Variants in CNTN4 observed in about 807,000 individuals in gnomAD.
The protein encoded by CNTN4 is contactin-4.
Under a neutral mutation model 122.5 loss-of-function variants are expected in CNTN4, and 77 were observed. The observed-to-expected ratio is 0.63, with a 90% CI of 0.52 to 0.76. The LOEUF (loss-of-function observed/expected upper bound fraction) is 0.76. Ranked by LOEUF, CNTN4 falls within the 30% of genes least tolerant of loss-of-function variation. CNTN4 has a pLI of 0.00. For missense variants in CNTN4, 1,256 were observed against 1,259.1 expected (o/e 1.00, Z 0.04); for synonymous variants, 512 against 447.0 (o/e 1.15, Z -1.83).
intron 13 of CNTN4, among the ~76,000 whole-genome samples, chr3:2,973,537 A>T (rs1693131618): frequency 6.6e-6 from 1 of 152,066 alleles, no homozygotes; most frequent in Non-Finnish European, 1.5e-5. Flanking sequence ...AAAACTAAGT[A>T]ATCTCTGACC....
rs541215702 is a variant in CNTN4 at position 2,439,591 on chromosome 3, A to G, written c.-89+100358A>G. On this transcript the variant is annotated intron_variant, in intron 3 of 24. Coordinates refer to ENST00000418658, the MANE Select transcript of CNTN4 (RefSeq NM_175607.3). ...CTTAGCTTGAATTGTGGTCATCTGA[A>G]GTATCTGTGTTCCTCTCTCTTTCTG... Among the ~76,000 whole-genome samples the G allele has an allele frequency of 1.1e-4, 16 of 152,092 alleles. No individual in the cohort carries two copies. In the South Asian group the frequency reaches 2.3e-3, roughly 22 times the overall value.
At chr3:2,767,140 G>A (rs575541511) in intron 6 of CNTN4, among the ~76,000 whole-genome samples, 1 of 152,268 alleles carries the variant, frequency 6.6e-6, no homozygotes, top group African/African-American at 2.4e-5. Context: ...CCATGTAAAA[G>A]CGAGGGTGAC....
chr3:2,578,847 A>G (rs1245898175), intron 4 of CNTN4, among the ~76,000 whole-genome samples: 3 of 152,196 alleles, frequency 2.0e-5, no homozygotes, highest in African/African-American at 7.2e-5. Flanking sequence ...TAATAACTAG[A>G]TTAAAAAGCA....
intron 3 of CNTN4, among the ~76,000 whole-genome samples, chr3:2,513,993 A>G (rs577701530): frequency 6.6e-6 from 1 of 152,324 alleles, no homozygotes; most frequent in East Asian, 1.9e-4. Context: ...GCATGCATAC[A>G]AATCTACCCA....
At chr3:2,915,450 A>G (rs940535405) in intron 12 of CNTN4, among the ~76,000 whole-genome samples, 1 of 152,192 alleles carries the variant, frequency 6.6e-6, no homozygotes, top group Non-Finnish European at 1.5e-5. Context: ...TATATGAAAA[A>G]TTTTACTTCT....
chr3:2,372,772 C>T (rs1293524966), intron 3 of CNTN4, among the ~76,000 whole-genome samples: 1 of 152,058 alleles, frequency 6.6e-6, no homozygotes, highest in East Asian at 1.9e-4. Context: ...TGACTTAGGC[C>T]AGGTGTGGTG....
intron 2 of CNTN4, among the ~76,000 whole-genome samples, chr3:2,212,078 A>G (rs553507543): frequency 5.3e-5 from 8 of 152,126 alleles, no homozygotes; most frequent in African/African-American, 1.4e-4. Context: ...GGCTCAAGCA[A>G]TCCTTCTACC....
chr3:2,104,810 G>T (rs2032297829), intron 2 of CNTN4, among the ~76,000 whole-genome samples: 1 of 152,198 alleles, frequency 6.6e-6, no homozygotes, highest in African/African-American at 2.4e-5. Flanking sequence ...ATGAAAGCAT[G>T]TGAGAAAATC....
At chr3:2,112,882 G>A (rs970229761) in intron 2 of CNTN4, among the ~76,000 whole-genome samples, 2 of 152,072 alleles carry the variant, frequency 1.3e-5, no homozygotes, top group African/African-American at 4.8e-5. Flanking sequence ...CCTTGTTATG[G>A]AAATTGGCCT....
intron 3 of CNTN4, among the ~76,000 whole-genome samples, chr3:2,515,752 G>A (rs2149104745): frequency 6.6e-6 from 1 of 152,184 alleles, no homozygotes; most frequent in Middle Eastern, 3.4e-3. Context: ...CTTCATTTGA[G>A]AATCTTTACT....
intron 2 of CNTN4, among the ~76,000 whole-genome samples, chr3:2,186,154 CCCA>C (rs1198246796): frequency 8.5e-5 from 12 of 141,494 alleles, no homozygotes; most frequent in African/African-American, 2.9e-4. Context: ...TTGTTCAATT[CCCA>C]CCTATGAGTG....
At chr3:2,426,599 A>C (rs1020579322) in intron 3 of CNTN4, among the ~76,000 whole-genome samples, 1 of 152,168 alleles carries the variant, frequency 6.6e-6, no homozygotes, top group African/African-American at 2.4e-5. Flanking sequence ...TGAGTTAGGG[A>C]GGATTCCTTC....
At chr3:2,731,008 T>C (rs1403410998) in intron 4 of CNTN4, among the ~76,000 whole-genome samples, 1 of 151,794 alleles carries the variant, frequency 6.6e-6, no homozygotes, top group Admixed American at 6.6e-5. Context: ...ACTCTTTTTC[T>C]TAGAGGGTTT....
chr3:2,752,269 C>T (rs1455037208), intron 6 of CNTN4, among the ~76,000 whole-genome samples: 5 of 152,318 alleles, frequency 3.3e-5, no homozygotes, highest in East Asian at 1.9e-4. Flanking sequence ...AATTAGCATA[C>T]GCATCACCTC....
intron 24 of CNTN4, 113 bp from the exon 25 acceptor site, chr3:3,056,007 C>T (rs1179787745): frequency 2.8e-6 from 2 of 712,740 alleles, no homozygotes; most frequent in African/African-American, 1.8e-5. Context: ...AGACCTTGAT[C>T]ATCATTTCCA....
intron 2 of CNTN4, among the ~76,000 whole-genome samples, chr3:2,213,170 G>A (rs1448045451): frequency 6.6e-6 from 1 of 152,166 alleles, no homozygotes; most frequent in Non-Finnish European, 1.5e-5. Context: ...GGAGTTGAGA[G>A]TTTTAGTCAA....
intron 14 of CNTN4, among the ~76,000 whole-genome samples, chr3:3,001,066 A>G (rs80086148): frequency 0.01 from 1,582 of 152,268 alleles, 29 homozygotes; most frequent in African/African-American, 0.036. Flanking sequence ...TTCAATAAAC[A>G]GTACCTTGTT....
chr3:2,865,024 G>A lies in CNTN4; in HGVS notation c.455-1728G>A, dbSNP rs73112744. Among the ~76,000 whole-genome samples, 517 of 152,150 alleles carry A rather than the reference G, an allele frequency of 3.4e-3. 5 individuals carry two copies. Among genetic ancestry groups the A allele is most frequent in the African/African-American group, 0.011 (476 of 41,506 alleles). The stretch of plus-strand genomic sequence containing the variant: ...GCTGTTTGTTGAAAGCCTGCCATAC[G>A]GGATAGTACTTCTTCACAATGTATT... On this transcript the variant is annotated intron_variant, in intron 7 of 24. Coordinates refer to ENST00000418658, the MANE Select transcript of CNTN4 (RefSeq NM_175607.3).
At chr3:2,904,175 A>G (rs1207586782) in intron 12 of CNTN4, among the ~76,000 whole-genome samples, 2 of 152,236 alleles carry the variant, frequency 1.3e-5, no homozygotes, top group Non-Finnish European at 2.9e-5. Context: ...AGAGGCTTTC[A>G]GTAGTCATTC....
Sources: gnomAD v4.1 joint callset for allele counts (sites outside exome capture counted in the v4.1 genomes callset) on GRCh38, gnomAD v4.1.1 for gene constraint, MANE v1.5 for transcripts, NCBI Gene and HGNC (gene_info 2026-07-23, HGNC 2026-07-21) for gene names.